The following EML6 variants were observed in gnomAD, a reference collection of about 807,000 sequenced individuals.
EML6 encodes EMAP like 6.
EML6 carries 154 observed loss-of-function variants against 240.1 expected under a neutral mutation model. The ratio of observed to expected loss-of-function variants is 0.64; its 90% CI spans 0.56 to 0.73. EML6 has a LOEUF of 0.73. EML6 is among the 30% of genes least tolerant of loss of function. EML6 has a pLI of 0.00. For missense variants in EML6, 2,964 were observed against 2,474.6 expected, an observed-to-expected ratio of 1.20 and a Z score of -4.20; for synonymous variants, 1,148 against 899.0, an observed-to-expected ratio of 1.28 and a Z score of -4.95.
At chr2:54,732,521 G>C (rs1049954038) in intron 2 of EML6, among the ~76,000 whole-genome samples, 13 of 152,048 alleles carry the variant, frequency 8.5e-5, no homozygotes, top group Non-Finnish European at 1.8e-4. Context: ...TGGATATCTG[G>C]TTGTCCCAAC....
chr2:54,750,337 C>T (rs1177593978), intron 2 of EML6, among the ~76,000 whole-genome samples: 2 of 152,226 alleles, frequency 1.3e-5, no homozygotes, highest in Non-Finnish European at 2.9e-5. Context: ...AGCCAGTCTA[C>T]AGCATTAGGT....
At chr2:54,890,483 C>T (rs1478492912) in intron 17 of EML6, among the ~76,000 whole-genome samples, 5 of 152,100 alleles carry the variant, frequency 3.3e-5, no homozygotes, top group African/African-American at 1.2e-4. Context: ...GGTTATAAAC[C>T]TACCTCTCTG....
intron 2 of EML6, among the ~76,000 whole-genome samples, chr2:54,753,426 A>G (rs1012538924): frequency 6.6e-6 from 1 of 152,182 alleles, no homozygotes; most frequent in Admixed American, 6.5e-5. Flanking sequence ...GGATTATCCC[A>G]GTGGGCTCAA....
chr2:54,785,564 GT>G (rs1298853473), intron 2 of EML6, among the ~76,000 whole-genome samples: 1 of 152,140 alleles, frequency 6.6e-6, no homozygotes, highest in African/African-American at 2.4e-5. Context: ...GTGCACTATA[GT>G]TAATTTTATG....
chr2:54,810,106 G>C (rs1030927177), intron 2 of EML6, among the ~76,000 whole-genome samples: 5 of 152,180 alleles, frequency 3.3e-5, no homozygotes, highest in African/African-American at 1.2e-4. Context: ...CTCATGAAAG[G>C]AGAAAAAGCT....
chr2:54,783,031 G>T (rs765999592), intron 2 of EML6, among the ~76,000 whole-genome samples: 1 of 152,164 alleles, frequency 6.6e-6, no homozygotes, highest in African/African-American at 2.4e-5. Flanking sequence ...TGCCCAATTA[G>T]CTCTGTCCTT....
Position 54,967,981 on chromosome 2 carries a change from T to C in EML6, c.5598-147T>C, listed in dbSNP as rs1201008292. ...CCTGCGGTCGGTTCCTAACAGGCCA[T>C]GGACCAGTACCGTTCCGTGGCCTGG... is the stretch of plus-strand genomic sequence containing the variant. On this transcript the variant is annotated intron_variant, in intron 39 of 41. Transcript: ENST00000356458. 1.7e-5 allele frequency: 12 copies of C among 711,614 alleles called. No individual in the cohort carries two copies. In the East Asian group the frequency reaches 2.5e-4, roughly 15 times the overall value. The allele number at this position is 711,614 out of a possible 1,614,324, so 44.1% of individuals were successfully genotyped here. A position where few individuals can be genotyped will look rare whatever the true frequency, so the allele number is the denominator to read the frequency against.
At chr2:54,895,429 G>C (rs768014245) in intron 21 of EML6, 29 bp downstream of exon 21, 3 of 1,550,328 alleles carry the variant, frequency 1.9e-6, no homozygotes, top group African/African-American at 2.7e-5. Context: ...CTAAACTGCA[G>C]TTCACATCAA....
intron 2 of EML6, among the ~76,000 whole-genome samples, chr2:54,788,902 C>T (rs1669241776): frequency 6.6e-6 from 1 of 152,170 alleles, no homozygotes; most frequent in African/African-American, 2.4e-5. Context: ...GTTGGAGTTC[C>T]ATAGACTTAA....
intron 2 of EML6, among the ~76,000 whole-genome samples, chr2:54,739,620 A>C (rs143962191): frequency 7.8e-4 from 119 of 152,328 alleles, no homozygotes; most frequent in Admixed American, 3.5e-3. Context: ...CCTCTCAATG[A>C]ACTTGCAGTC....
At chr2:54,953,919 T>C in intron 31 of EML6, 64 bp from the exon 32 acceptor site, 3 of 1,011,598 alleles carry the variant, frequency 3.0e-6, no homozygotes, top group South Asian at 1.7e-5. Context: ...TACATGAACA[T>C]AAGCATCGCC....
At chr2:54,861,843 A>C (rs1010786581) in intron 12 of EML6, among the ~76,000 whole-genome samples, 19 of 151,952 alleles carry the variant, frequency 1.3e-4, no homozygotes, top group African/African-American at 4.6e-4. Flanking sequence ...ATGAAATTCC[A>C]GATAAACGAG....
intron 21 of EML6, among the ~76,000 whole-genome samples, chr2:54,899,159 ATAAT>A (rs1484789833): frequency 2.6e-5 from 4 of 152,180 alleles, no homozygotes; most frequent in Non-Finnish European, 1.5e-5. Flanking sequence ...AATTGCATAA[ATAAT>A]TAGAATATTG....
At chr2:54,937,808 C>T (rs542801789) in intron 28 of EML6, among the ~76,000 whole-genome samples, 2 of 152,246 alleles carry the variant, frequency 1.3e-5, no homozygotes, top group African/African-American at 4.8e-5. Context: ...TATACTCTAT[C>T]AATCAAACTT....
Position 54,790,038 on chromosome 2 carries a change from C to T in EML6, c.198-23194C>T, listed in dbSNP as rs145431517. Among the ~76,000 whole-genome samples the T allele has an allele frequency of 4.5e-4, 68 of 152,246 alleles. 1 individual carries two copies. The East Asian group carries it at 6.4e-3, about 14-fold the overall frequency. On this transcript the variant is annotated intron_variant, in intron 2 of 41. Transcript: ENST00000356458. ...AAATGATGAAAAATGCACAGGTAACCTGTACAAGAGGGAGATCTAAGAATA... is the reference window on the plus strand; with the variant it reads ...AAATGATGAAAAATGCACAGGTAACTTGTACAAGAGGGAGATCTAAGAATA...
intron 7 of EML6, among the ~76,000 whole-genome samples, chr2:54,832,498 C>G (rs958915317): frequency 7.2e-5 from 11 of 152,110 alleles, no homozygotes; most frequent in African/African-American, 2.7e-4. Context: ...TGCCCCAAAT[C>G]CAAAGTGAGG....
chr2:54,835,326 G>A (rs141709322), intron 7 of EML6, among the ~76,000 whole-genome samples: 159 of 152,332 alleles, frequency 1.0e-3, no homozygotes, highest in Non-Finnish European at 1.4e-3. Flanking sequence ...CACTTAGGAC[G>A]TGCCTAGTGT....
chr2:54,754,631 C>T (rs1040516798), intron 2 of EML6, among the ~76,000 whole-genome samples: 7 of 152,112 alleles, frequency 4.6e-5, no homozygotes, highest in Non-Finnish European at 1.0e-4. Context: ...CATTCTGTGG[C>T]TTGCATTTGT....
intron 28 of EML6, among the ~76,000 whole-genome samples, chr2:54,943,140 C>T (rs547470254): frequency 1.3e-5 from 2 of 152,358 alleles, no homozygotes; most frequent in East Asian, 3.9e-4. Context: ...TCCTGCCCCT[C>T]CTTCACTGAG....
Sources: allele counts gnomAD v4.1 joint callset (sites outside exome capture counted in the v4.1 genomes callset), GRCh38; gene constraint gnomAD v4.1.1; transcripts MANE v1.5; gene names NCBI Gene and HGNC (gene_info 2026-07-23, HGNC 2026-07-21).